The following CARD8 variants were observed in gnomAD, a reference collection of about 807,000 sequenced individuals.
CARD8 encodes the protein caspase recruitment domain-containing protein 8.
A neutral mutation model predicts 53.2 loss-of-function variants in CARD8; 38 were observed. The ratio of observed to expected loss-of-function variants is 0.71; its 90% CI spans 0.55 to 0.94. The LOEUF (loss-of-function observed/expected upper bound fraction) is 0.94. Among genes scored for constraint, CARD8 ranks in the 40% least tolerant of loss-of-function variants. The pLI, the probability that CARD8 is intolerant of heterozygous loss-of-function variation, is 0.00. For missense variants in CARD8, 561 were observed against 655.5 expected, an observed-to-expected ratio of 0.86 and a Z score of 1.57; for synonymous variants, 245 against 244.9, an observed-to-expected ratio of 1.00 and a Z score of 0.00.
intron 9 of CARD8, 30 bp from the exon 10 acceptor site, chr19:48,230,730 G>A (rs370075376): frequency 5.0e-5 from 81 of 1,612,734 alleles, no homozygotes; most frequent in Middle Eastern, 1.7e-4. Flanking sequence ...GCAGTGAGAC[G>A]GCACGCACCC....
chr19:48,231,546 G>T, intron 8 of CARD8, 114 bp downstream of exon 8: 2 of 1,028,810 alleles, frequency 1.9e-6, no homozygotes, highest in Non-Finnish European at 2.8e-6. Flanking sequence ...CTTGTGATCC[G>T]CCCTCCTCCA....
chr19:48,242,350 G>T (rs8106582), intron 3 of CARD8, among the ~76,000 whole-genome samples: 24,012 of 151,014 alleles, frequency 0.16, 2,016 homozygotes, highest in East Asian at 0.32. Flanking sequence ...TGCCTTGATC[G>T]TGGACTTCCC....
intron 7 of CARD8, chr19:48,232,026 T>C: frequency 3.1e-6 from 2 of 648,328 alleles, no homozygotes; most frequent in South Asian, 3.2e-5. Flanking sequence ...CCAAATTCCA[T>C]AAGACTTTCT....
chr19:48,212,127 G>A (rs1475781836), intron 13 of CARD8, 152 bp from the exon 14 acceptor site: 1 of 692,258 alleles, frequency 1.4e-6, no homozygotes, highest in Non-Finnish European at 2.4e-6. Flanking sequence ...CACATTCACA[G>A]AGCAAATATA....
At chr19:48,220,578 T>G (rs73572973) in intron 11 of CARD8, among the ~76,000 whole-genome samples, 5,180 of 152,228 alleles carry the variant, frequency 0.034, 289 homozygotes, top group African/African-American at 0.12. Context: ...CTGGACAACC[T>G]CATCTTTATT....
intron 12 of CARD8, among the ~76,000 whole-genome samples, chr19:48,218,158 C>T (rs1019751180): frequency 7.4e-5 from 11 of 148,934 alleles, no homozygotes; most frequent in African/African-American, 2.7e-4. Context: ...ATAGATTTCT[C>T]TTTTTTTTTT....
chr19:48,250,235 TAAAG>T (rs1487090104), intron 1 of CARD8, among the ~76,000 whole-genome samples: 1 of 152,170 alleles, frequency 6.6e-6, no homozygotes, highest in Non-Finnish European at 1.5e-5. Flanking sequence ...TTCAGGAAGA[TAAAG>T]GAAGACAGAA....
chr19:48,212,930 T>C (rs3786738), intron 13 of CARD8: 117,312 of 152,238 alleles, frequency 0.77, 47,627 homozygotes, highest in South Asian at 0.91. Flanking sequence ...AATGGCATGA[T>C]TGCCATCTCA....
intron 11 of CARD8, among the ~76,000 whole-genome samples, chr19:48,220,997 A>AAGGAAGGAAG (rs2040475574): frequency 7.4e-5 from 5 of 67,834 alleles, no homozygotes; most frequent in Non-Finnish European, 9.8e-5. Flanking sequence ...AAGGAAGGAA[A>AAGGAAGGAAG]GAAAGAAAGA....
intron 10 of CARD8, among the ~76,000 whole-genome samples, chr19:48,222,093 C>T (rs978983970): frequency 1.3e-5 from 2 of 152,038 alleles, no homozygotes; most frequent in South Asian, 2.1e-4. Flanking sequence ...TATCTCAGGG[C>T]CAAAGGATTT....
intron 11 of CARD8, among the ~76,000 whole-genome samples, chr19:48,220,936 A>G (rs976137951): frequency 1.8e-4 from 1 of 5,594 alleles, no homozygotes. Context: ...AGAGAGAAAG[A>G]GGGAAAGAAA....
At chr19:48,231,337 C>T (rs2042844806) in intron 8 of CARD8, among the ~76,000 whole-genome samples, 1 of 152,154 alleles carries the variant, frequency 6.6e-6, no homozygotes, top group South Asian at 2.1e-4. Context: ...CAAAGTCTCG[C>T]TCTGTCTCCT....
rs767222046 is a variant in CARD8, at chr19:48,211,969, G to A, written c.1355C>T (p.Ala452Val). The part of the protein sequence containing the change: ...ASAPPPFSGA[A>V]FVKENHRQLQ... Reference sequence around the variant, plus strand: ...TTGCCGGTGGTTCTCCTTCACAAAGGCTGCACCTGGATGAAAGGGGGAGTT... The same window carrying A: ...TTGCCGGTGGTTCTCCTTCACAAAGACTGCACCTGGATGAAAGGGGGAGTT... The change falls in exon 14 of 14, where the codon GCC becomes GTC. Residue 452 changes from alanine to valine, a missense_variant. Transcript: ENST00000651546. The A allele has an allele frequency of 6.2e-7, 1 of 1,612,828 alleles. No homozygotes were observed. Among genetic ancestry groups the A allele is most frequent in the Non-Finnish European group, 8.5e-7 (1 of 1,179,232 alleles).
chr19:48,225,480 G>A (rs909816740), intron 10 of CARD8, among the ~76,000 whole-genome samples: 2 of 152,064 alleles, frequency 1.3e-5, no homozygotes, highest in African/African-American at 4.8e-5. Flanking sequence ...GACAGGGCAA[G>A]ACCCCTTCTC....
At position 48,230,954 on chromosome 19, in the gene CARD8, A is replaced by G. The variant is rs1240178992; in HGVS notation, c.595T>C (p.Phe199Leu). The change falls in exon 9 of 14, where the codon TTC becomes CTC. Residue 199 changes from phenylalanine (F) to leucine (L), a missense_variant. Physicochemically the swap from Phe to Leu is conservative, Grantham distance 22. Coordinates refer to ENST00000651546, the MANE Select transcript of CARD8 (RefSeq NM_001184900.3). ...WYLWSATGLG[F>L]LVRDEVTVTI... is the part of the protein sequence containing the mutation. ...ACTGTGACCTCATCCCTTACCAGGA[A>G]GCCGAGGCCTGTGGCTGACCACAGA... 1.2e-6 allele frequency: 2 copies of G among 1,614,192 alleles called. No individual in the cohort carries two copies. The highest frequency in any genetic ancestry group is 1.7e-6 in the Non-Finnish European group (2 of 1,180,042).
intron 11 of CARD8, among the ~76,000 whole-genome samples, chr19:48,219,926 G>A (rs558932823): frequency 6.6e-6 from 1 of 152,222 alleles, no homozygotes; most frequent in South Asian, 2.1e-4. Flanking sequence ...AGCAGACATT[G>A]CGCCACTGCA....
intron 8 of CARD8, 62 bp from the exon 9 acceptor site, chr19:48,231,068 T>C (rs1271056076): frequency 7.5e-5 from 101 of 1,352,270 alleles, no homozygotes; most frequent in Non-Finnish European, 9.9e-5. Flanking sequence ...TAAGCAGCGA[T>C]GTGCAGAGGG....
At chr19:48,223,473 G>A (rs1487116013) in intron 10 of CARD8, among the ~76,000 whole-genome samples, 1 of 152,038 alleles carries the variant, frequency 6.6e-6, no homozygotes, top group Non-Finnish European at 1.5e-5. Context: ...GGGATGTGGA[G>A]AACTATCCAG....
At chr19:48,250,159 CAG>C (rs1358904022) in intron 1 of CARD8, among the ~76,000 whole-genome samples, 1 of 152,050 alleles carries the variant, frequency 6.6e-6, no homozygotes, top group Non-Finnish European at 1.5e-5. Flanking sequence ...CTAAAGGAAA[CAG>C]TGTTTATTTG....
Sources: allele counts gnomAD v4.1 joint callset (sites outside exome capture counted in the v4.1 genomes callset), GRCh38; gene constraint gnomAD v4.1.1; transcripts MANE v1.5; gene names NCBI Gene and HGNC (gene_info 2026-07-23, HGNC 2026-07-21).